The following COL4A5 variants were observed in gnomAD, a reference collection of about 807,000 sequenced individuals.
COL4A5 encodes collagen type IV alpha 5 chain.
COL4A5 carries 26 observed loss-of-function variants against 130.2 expected under a neutral mutation model. That is an observed-to-expected ratio of 0.20 (90% CI 0.15 to 0.28). COL4A5 has a LOEUF of 0.28. Among genes scored for constraint, COL4A5 ranks in the 10% least tolerant of loss-of-function variants. COL4A5 has a pLI of 1.00. For missense variants in COL4A5, 1,131 were observed against 1,344.3 expected (o/e 0.84, Z 2.48); for synonymous variants, 496 against 439.6 (o/e 1.13, Z -1.60).
intron 1 of COL4A5, among the ~76,000 whole-genome samples, chrX:108,472,292 T>A (rs1456552535): frequency 9.0e-6 from 1 of 111,695 alleles, no homozygotes; most frequent in Non-Finnish European, 1.9e-5. Flanking sequence ...ACATATGCAC[T>A]TGGGAGGAAT....
chrX:108,496,616 T>C (rs754746989), intron 1 of COL4A5, among the ~76,000 whole-genome samples: 16 of 111,699 alleles, frequency 1.4e-4, no homozygotes, highest in Non-Finnish European at 2.4e-4. Flanking sequence ...TGTTAATTAC[T>C]GAGAGAGAAC....
chrX:108,494,094 A>T (rs2065015195), intron 1 of COL4A5, among the ~76,000 whole-genome samples: 1 of 111,850 alleles, frequency 8.9e-6, no homozygotes, highest in African/African-American at 3.2e-5. Flanking sequence ...TTAAAATTTA[A>T]ATACAATTTT....
intron 36 of COL4A5, among the ~76,000 whole-genome samples, chrX:108,631,346 A>C (rs926909509): frequency 1.8e-5 from 2 of 111,224 alleles, no homozygotes; most frequent in Non-Finnish European, 3.8e-5. Flanking sequence ...AGTGGTTTGT[A>C]GTTCTCCTTG....
chrX:108,577,872 A>T, intron 10 of COL4A5, 80 bp from the exon 11 acceptor site: 1 of 830,041 alleles, frequency 1.2e-6, no homozygotes, highest in East Asian at 3.5e-5. Context: ...TTCACACCTT[A>T]CTCTTTCTGA....
chrX:108,502,306 A>G (rs1024461575), intron 1 of COL4A5, among the ~76,000 whole-genome samples: 1 of 109,906 alleles, frequency 9.1e-6, no homozygotes, highest in Non-Finnish European at 1.9e-5. Context: ...TTTTTTGGAG[A>G]TGGAGTTTCG....
At chrX:108,506,588 T>C (rs1343284182) in intron 1 of COL4A5, among the ~76,000 whole-genome samples, 1 of 111,260 alleles carries the variant, frequency 9.0e-6, no homozygotes, top group African/African-American at 3.3e-5. Context: ...CACAATAGGG[T>C]TCACATTGCA....
At chrX:108,526,364 C>A (rs73526205) in intron 1 of COL4A5, among the ~76,000 whole-genome samples, 11,609 of 111,203 alleles carry the variant, frequency 0.1, 1,303 homozygotes, top group African/African-American at 0.34. Flanking sequence ...CATAAATTTC[C>A]CCACTTATCA....
chrX:108,596,956 T>A, intron 22 of COL4A5, 42 bp from the exon 23 acceptor site: 1 of 1,126,858 alleles, frequency 8.9e-7, no homozygotes, highest in Non-Finnish European at 1.2e-6. Flanking sequence ...AAAGCTTACG[T>A]TATTGTGTGT....
intron 1 of COL4A5, among the ~76,000 whole-genome samples, chrX:108,453,234 C>G (rs1176292690): frequency 9.0e-6 from 1 of 111,626 alleles, no homozygotes; most frequent in Non-Finnish European, 1.9e-5. Flanking sequence ...TCAGATTCTA[C>G]ATTACAACTA....
chrX:108,564,709 G>A (rs1293497628), intron 4 of COL4A5, among the ~76,000 whole-genome samples: 2 of 111,814 alleles, frequency 1.8e-5, no homozygotes, highest in Non-Finnish European at 3.8e-5. Flanking sequence ...CTGAAATACT[G>A]TGTTCATAGA....
chrX:108,444,734 G>T (rs915718674), intron 1 of COL4A5, among the ~76,000 whole-genome samples: 4 of 111,951 alleles, frequency 3.6e-5, no homozygotes, highest in South Asian at 3.7e-4. Flanking sequence ...TTTCTATATC[G>T]ATTTCTTGAA....
chrX:108,533,616 T>C (rs916099376), intron 1 of COL4A5, among the ~76,000 whole-genome samples: 13 of 110,874 alleles, frequency 1.2e-4, no homozygotes, highest in Non-Finnish European at 2.1e-4. Context: ...CTCCTGGACA[T>C]TGGTCTAGGC....
chrX:108,470,238 A>G (rs774380599), intron 1 of COL4A5, among the ~76,000 whole-genome samples: 2 of 112,620 alleles, frequency 1.8e-5, no homozygotes, highest in South Asian at 7.3e-4. Context: ...CAGTGGCTGA[A>G]CTAACATACA....
chrX:108,586,234 G>T (rs1425745902), intron 18 of COL4A5, among the ~76,000 whole-genome samples: 3 of 111,681 alleles, frequency 2.7e-5, no homozygotes, highest in Non-Finnish European at 5.7e-5. Context: ...CAAGGGACAA[G>T]ATCAGAGGTG....
chrX:108,627,408 GT>G (rs2147875398), intron 36 of COL4A5: 4 of 735,595 alleles, frequency 5.4e-6, no homozygotes, highest in Non-Finnish European at 6.4e-6. Flanking sequence ...AGAGTTTGGG[GT>G]TTTTTCTACA....
intron 1 of COL4A5, among the ~76,000 whole-genome samples, chrX:108,509,955 C>A (rs1336834945): frequency 1.8e-5 from 2 of 112,329 alleles, no homozygotes; most frequent in African/African-American, 6.5e-5. Flanking sequence ...TACATTTACA[C>A]CATGGAATAC....
At chrX:108,538,106 C>T (rs2065481347) in intron 1 of COL4A5, among the ~76,000 whole-genome samples, 1 of 111,664 alleles carries the variant, frequency 9.0e-6, no homozygotes, top group Admixed American at 9.6e-5. Flanking sequence ...AACATAGTGG[C>T]TGTCACATAA....
intron 36 of COL4A5, among the ~76,000 whole-genome samples, chrX:108,639,126 C>A (rs1454496219): frequency 9.0e-6 from 1 of 110,872 alleles, no homozygotes; most frequent in African/African-American, 3.3e-5. Context: ...TTGGAGGACT[C>A]ATAATAATTT....
chrX:108,526,605 T>TCCC (rs2065317840), intron 1 of COL4A5, among the ~76,000 whole-genome samples: 1 of 42,630 alleles, frequency 2.3e-5, no homozygotes, highest in Non-Finnish European at 3.6e-5. Flanking sequence ...CCTTTCTTTC[T>TCCC]TTCTTTCTTT....
Sources: gnomAD v4.1 joint callset for allele counts (sites outside exome capture counted in the v4.1 genomes callset) on GRCh38, gnomAD v4.1.1 for gene constraint, MANE v1.5 for transcripts, NCBI Gene and HGNC (gene_info 2026-07-23, HGNC 2026-07-21) for gene names.